ELP1: variants seen among roughly 807,000 people sequenced by gnomAD.
ELP1 encodes the protein elongator complex protein 1.
Under a neutral mutation model 183.2 loss-of-function variants are expected in ELP1, and 131 were observed. That is an observed-to-expected ratio of 0.72 (90% CI 0.62 to 0.83). ELP1 has a LOEUF of 0.83. Ranked by LOEUF, ELP1 falls within the 40% of genes least tolerant of loss-of-function variation. The pLI, the probability that ELP1 is intolerant of heterozygous loss-of-function variation, is 0.00. For missense variants in ELP1, 1,550 were observed against 1,594.9 expected (o/e 0.97, Z 0.48); for synonymous variants, 555 against 569.0 (o/e 0.98, Z 0.35).
At chr9:108,902,767 G>C in intron 16 of ELP1, 72 bp downstream of exon 16, 1 of 1,140,822 alleles carries the variant, frequency 8.8e-7, no homozygotes, top group Non-Finnish European at 1.3e-6. Flanking sequence ...CAAAGCCCAC[G>C]CTCTTTCTAC....
intron 13 of ELP1, among the ~76,000 whole-genome samples, 168 bp from the exon 14 acceptor site, chr9:108,906,653 TTGTC>T: frequency 6.6e-6 from 1 of 152,178 alleles, no homozygotes; most frequent in Non-Finnish European, 1.5e-5. Flanking sequence ...AAATTAATCT[TTGTC>T]TGGCTTAAGA....
chr9:108,922,709 T>C lies in ELP1; in HGVS notation c.552+133A>G, dbSNP rs3750457. On this transcript the variant is annotated intron_variant, in intron 6 of 36. Coordinates refer to ENST00000374647, the MANE Select transcript of ELP1 (RefSeq NM_003640.5). ...TCTAGAGGGATTCATTTCCTGAAGG[T>C]TCTAGGCAGTTTTACTAAAGCAGAA... The C allele has an allele frequency of 0.1, 75,068 of 746,734 alleles. 5,060 individuals carry two copies. The highest frequency in any genetic ancestry group is 0.25 in the African/African-American group (14,443 of 58,556). The allele number at this position is 746,734 out of a possible 1,614,324, so 46.3% of individuals were successfully genotyped here.
intron 10 of ELP1, among the ~76,000 whole-genome samples, chr9:108,914,229 C>T (rs957155395): frequency 2.0e-4 from 30 of 151,840 alleles, no homozygotes; most frequent in African/African-American, 7.3e-4. Flanking sequence ...GAAACCCTGC[C>T]TCTACCAAAA....
At chr9:108,924,695 T>C (rs1464690146) in intron 5 of ELP1, among the ~76,000 whole-genome samples, 2 of 152,186 alleles carry the variant, frequency 1.3e-5, no homozygotes, top group African/African-American at 4.8e-5. Flanking sequence ...TCTCAGTCCA[T>C]AGCTCTGGCC....
At chr9:108,893,613 C>T (rs967571748) in intron 26 of ELP1, among the ~76,000 whole-genome samples, 5 of 152,164 alleles carry the variant, frequency 3.3e-5, no homozygotes, top group African/African-American at 1.2e-4. Flanking sequence ...AGCAGAGTTT[C>T]CCTGACATGT....
intron 24 of ELP1, 115 bp from the exon 25 acceptor site, chr9:108,896,759 G>A: frequency 9.0e-7 from 1 of 1,106,560 alleles, no homozygotes; most frequent in South Asian, 1.3e-5. Flanking sequence ...GACATCAGAA[G>A]AATATATACT....
At chr9:108,906,236 G>T in intron 14 of ELP1, 67 bp downstream of exon 14, 1 of 1,495,246 alleles carries the variant, frequency 6.7e-7, no homozygotes, top group Non-Finnish European at 9.3e-7. Context: ...AAAGTTGTAT[G>T]CTCATAAAAG....
chr9:108,910,858 C>T, intron 12 of ELP1, 152 bp downstream of exon 12: 5 of 641,156 alleles, frequency 7.8e-6, no homozygotes, highest in Non-Finnish European at 1.1e-5. Context: ...AAACCCAAGG[C>T]AATTAAATAT....
At chr9:108,911,980 C>T (rs1829239794) in intron 11 of ELP1, among the ~76,000 whole-genome samples, 1 of 152,124 alleles carries the variant, frequency 6.6e-6, no homozygotes, top group Non-Finnish European at 1.5e-5. Context: ...GTACTGTTGT[C>T]ATCCTCTCTA....
At chr9:108,927,304 G>T in intron 4 of ELP1, 68 bp downstream of exon 4, 1 of 1,308,678 alleles carries the variant, frequency 7.6e-7, no homozygotes, top group Non-Finnish European at 1.1e-6. Context: ...GCCTAAAGCT[G>T]ATGAAGCCTG....
At position 108,893,044 on chromosome 9, in the gene ELP1, T is replaced by C. The variant is rs757656007; in HGVS notation, c.2900A>G (p.Asp967Gly). ...YFPECLNLIK[D>G]KNLYNEALKL... ...CAGAGCTTCGTTATACAAGTTTTTA[T>C]CTTTTATCAAGTTTAAGCATTCTGG... Residue 967 changes from aspartate (D) to glycine (G), a missense_variant, in exon 27 of 37, where the codon GAT becomes GGT. Transcript: ENST00000374647. The C allele has an allele frequency of 6.2e-7, 1 of 1,613,984 alleles. No homozygotes were observed. Among genetic ancestry groups the C allele is most frequent in the Non-Finnish European group, 8.5e-7 (1 of 1,179,856 alleles).
At chr9:108,891,649 T>C (rs539639916) in intron 27 of ELP1, among the ~76,000 whole-genome samples, 58 of 152,200 alleles carry the variant, frequency 3.8e-4, no homozygotes, top group Admixed American at 9.8e-4. Flanking sequence ...GTATGGATAC[T>C]ACAGCAAGGC....
intron 14 of ELP1, 26 bp downstream of exon 14, chr9:108,906,277 T>G (rs2132003021): frequency 6.2e-7 from 1 of 1,612,178 alleles, no homozygotes; most frequent in East Asian, 2.2e-5. Context: ...GCTTAACATG[T>G]GGAGTACAGG....
At chr9:108,887,226 G>C (rs982590976) in intron 29 of ELP1, among the ~76,000 whole-genome samples, 1 of 151,788 alleles carries the variant, frequency 6.6e-6, no homozygotes, top group African/African-American at 2.4e-5. Flanking sequence ...AAATAATATA[G>C]AATAAAATTT....
chr9:108,893,660 T>C (rs1828426955), intron 26 of ELP1, among the ~76,000 whole-genome samples: 1 of 152,196 alleles, frequency 6.6e-6, no homozygotes, highest in African/African-American at 2.4e-5. Flanking sequence ...TGACAACCAA[T>C]TTTGATTCTG....
chr9:108,912,497 G>C lies in ELP1; in HGVS notation c.959-3C>G. On this transcript the variant is annotated splice_region_variant and splice_polypyrimidine_tract_variant and intron_variant, in intron 10 of 36. Coordinates refer to ENST00000374647, the MANE Select transcript of ELP1 (RefSeq NM_003640.5). The stretch of plus-strand genomic sequence containing the variant: ...GTTTCCAACAGTCCAGAGCTGAACT[G>C]CAAGGGAAAATGAAAAGAAGGCCGT... The C allele has an allele frequency of 1.2e-6, 2 of 1,608,090 alleles. No individual in the cohort carries two copies. Among genetic ancestry groups the C allele is most frequent in the Non-Finnish European group, 1.7e-6 (2 of 1,174,716 alleles).
chr9:108,892,911 A>T (rs1217918740), intron 27 of ELP1, 75 bp downstream of exon 27: 2 of 985,178 alleles, frequency 2.0e-6, no homozygotes, highest in African/African-American at 3.2e-5. Flanking sequence ...GGTGTTATGA[A>T]CTTAGGATCC....
chr9:108,878,103 A>G lies in ELP1; in HGVS notation c.3747T>C (p.Asp1249=). 2 of 1,612,684 alleles carry G rather than the reference A, an allele frequency of 1.2e-6. No homozygotes were observed. The highest frequency in any genetic ancestry group is 1.7e-6 in the Non-Finnish European group (2 of 1,178,706). The part of the protein sequence containing the change: ...ILKVLFLFEF[D]EQGRELQKAF... ...CCTTCTGTAATTCCCTTCCTTGTTCATCAAACTCAAAGAGAAAGAGTACCT... is the reference window on the plus strand; with the variant it reads ...CCTTCTGTAATTCCCTTCCTTGTTCGTCAAACTCAAAGAGAAAGAGTACCT... The change falls in exon 35 of 37, where the codon GAT becomes GAC. Residue 1249 remains aspartate (D), a synonymous_variant. Transcript: ENST00000374647.
At position 108,880,109 on chromosome 9, in the gene ELP1, T is replaced by C. The variant is rs769833448; in HGVS notation, c.3403A>G (p.Lys1135Glu). The C allele has an allele frequency of 5.0e-6, 8 of 1,614,080 alleles. No homozygotes were observed. The South Asian group carries it at 6.6e-5, about 13-fold the overall frequency. The change falls in exon 32 of 37, where the codon AAG becomes GAG. Residue 1135 changes from lysine (K) to glutamate (E), a missense_variant. Transcript: ENST00000374647. ...DSQTATFSRH[K>E]KRLLVVRELK... Reference sequence around the variant, plus strand: ...TCTCGAACTACCAATAAACGTTTCTTGTGGCGACTGAATGTGGCTGTCTGA... The same window carrying C: ...TCTCGAACTACCAATAAACGTTTCTCGTGGCGACTGAATGTGGCTGTCTGA...
Sources: gnomAD v4.1 joint callset for allele counts (sites outside exome capture counted in the v4.1 genomes callset) on GRCh38, gnomAD v4.1.1 for gene constraint, MANE v1.5 for transcripts, NCBI Gene and HGNC (gene_info 2026-07-23, HGNC 2026-07-21) for gene names.